RNF112: variants seen among roughly 807,000 people sequenced by gnomAD.
RNF112 encodes brain finger protein.
Under a neutral mutation model 64.7 loss-of-function variants are expected in RNF112, and 34 were observed. That is an observed-to-expected ratio of 0.53 (90% CI 0.40 to 0.70). The LOEUF is 0.70. Among genes scored for constraint, RNF112 ranks in the 30% least tolerant of loss-of-function variants. The pLI is 0.00. For synonymous variants in RNF112, 345 were observed against 344.5 expected (o/e 1.00, Z -0.02); for missense variants, 734 against 850.0 (o/e 0.86, Z 1.70).
At position 19,411,340 on chromosome 17, in the gene RNF112, C is replaced by T; in HGVS notation, c.-69C>T. On this transcript the variant is annotated 5_prime_UTR_variant, in exon 1 of 14. Transcript: ENST00000461366. Reference sequence around the variant, plus strand: ...TAGCCTTTCCGGGAGAAAAGGCATCCTTACCTCTGGTTGAAGGTCTCGGGG... The same window carrying T: ...TAGCCTTTCCGGGAGAAAAGGCATCTTTACCTCTGGTTGAAGGTCTCGGGG... 1 of 1,498,944 alleles carries T rather than the reference C, an allele frequency of 6.7e-7. No homozygotes were observed. The highest frequency in any genetic ancestry group is 1.8e-5 in the Admixed American group (1 of 55,292). 92.9% of individuals were successfully genotyped at this position (1,498,944 alleles called of 1,614,324 possible). A position where few individuals can be genotyped will look rare whatever the true frequency, so the allele number is the denominator to read the frequency against.
Position 19,411,285 on chromosome 17 carries a change from C to T in RNF112, c.-124C>T, listed in dbSNP as rs969896740. On this transcript the variant is annotated 5_prime_UTR_variant, in exon 1 of 14. Transcript: ENST00000461366. ...TCAGCTCCTCGGGGATACCATCCCC[C>T]GACCTCACCTTCTACCTACCGCAGC... 25 of 821,182 alleles carry T rather than the reference C, an allele frequency of 3.0e-5. No individual in the cohort carries two copies. The highest frequency in any genetic ancestry group is 2.4e-4 in the East Asian group (9 of 37,488). 50.9% of individuals were successfully genotyped at this position (821,182 alleles called of 1,614,324 possible).
At chr17:19,411,520 G>A (rs1440243106) in intron 1 of RNF112, 58 bp downstream of exon 1, 1 of 1,513,492 alleles carries the variant, frequency 6.6e-7, no homozygotes, top group Non-Finnish European at 9.0e-7. Flanking sequence ...CCCTCCTTGG[G>A]CTGGGGGATG....
rs769422440 is a variant in RNF112 at position 19,415,700 on chromosome 17, C to A, written c.1426-5C>A. On this transcript the variant is annotated splice_polypyrimidine_tract_variant and splice_region_variant and intron_variant, in intron 13 of 13. Coordinates refer to ENST00000461366, the MANE Select transcript of RNF112 (RefSeq NM_007148.5). The surrounding 1 kb of genome is among the most constrained non-coding windows in gnomAD (Gnocchi z 7.8). ...GGGCACCTTCTTTTCCCCTCCCTGT[C>A]ACAGGACGTAGCCACCAAGCGCATA... 3 of 1,604,572 alleles carry A rather than the reference C, an allele frequency of 1.9e-6. No individual in the cohort carries two copies. Among genetic ancestry groups the A allele is most frequent in the Non-Finnish European group, 2.6e-6 (3 of 1,174,760 alleles).
In RNF112 at chr17:19,416,258, G is replaced by A. The variant is rs2152300709; in HGVS notation, c.*83G>A. The A allele has an allele frequency of 5.5e-6, 7 of 1,275,884 alleles. No homozygotes were observed. The highest frequency in any genetic ancestry group is 7.5e-6 in the Non-Finnish European group (7 of 930,050). 79.0% of individuals were successfully genotyped at this position (1,275,884 alleles called of 1,614,324 possible). On this transcript the variant is annotated 3_prime_UTR_variant, in exon 14 of 14. Coordinates refer to ENST00000461366, the MANE Select transcript of RNF112 (RefSeq NM_007148.5). ...GCAGGTCGGGGGAGGGTGATGCCAGGGATTCCAAGGCACCGCCATGTACTG... is the reference window on the plus strand; with the variant it reads ...GCAGGTCGGGGGAGGGTGATGCCAGAGATTCCAAGGCACCGCCATGTACTG...
chr17:19,412,561 G>T lies in RNF112; in HGVS notation c.159G>T (p.Glu53Asp). 1 of 1,613,474 alleles carries T rather than the reference G, an allele frequency of 6.2e-7. No homozygotes were observed. The highest frequency in any genetic ancestry group is 8.5e-7 in the Non-Finnish European group (1 of 1,179,770). ...GLGPQPMAPRELPTCSICLER... is the reference protein window; with the variant it reads ...GLGPQPMAPRDLPTCSICLER... ...GGCCCCAGCCCATGGCGCCCCGGGA[G>T]CTCCCTACCTGCTCCATCTGCCTGG... Residue 53 changes from glutamate to aspartate, a missense_variant, in exon 3 of 14, where the codon GAG (glutamate) becomes GAT (aspartate). Glu to Asp is a conservative substitution (Grantham distance 45). Transcript: ENST00000461366. The surrounding 1 kb of genome is among the most constrained non-coding windows in gnomAD (Gnocchi z 5.1).
chr17:19,413,056 C>A lies in RNF112; in HGVS notation c.500C>A (p.Thr167Asn), dbSNP rs1298513864. Reference protein sequence around the residue: ...RCLKHPLARDTPVCLLAVLGE... With the variant: ...RCLKHPLARDNPVCLLAVLGE... The stretch of plus-strand genomic sequence containing the variant: ...CTGAAGCACCCTCTGGCCAGGGACA[C>A]CCCAGTCTGCCTCCTCGCTGTCCTG... The change falls in exon 4 of 14, where the codon ACC (threonine) becomes AAC (asparagine). Residue 167 changes from threonine to asparagine, a missense_variant. Transcript: ENST00000461366. The surrounding 1 kb of genome is among the most constrained non-coding windows in gnomAD (Gnocchi z 5.9). 4 of 1,613,188 alleles carry A rather than the reference C, an allele frequency of 2.5e-6. No individual in the cohort carries two copies. Among genetic ancestry groups the A allele is most frequent in the Non-Finnish European group, 3.4e-6 (4 of 1,179,760 alleles).
chr17:19,416,475 C>G lies in RNF112; in HGVS notation c.*300C>G. On this transcript the variant is annotated 3_prime_UTR_variant, in exon 14 of 14. Transcript: ENST00000461366. The stretch of plus-strand genomic sequence containing the variant: ...AGGGTTTCTGGCTGCAAGTGAGACT[C>G]CACCCTCCCCACCTGGCTCATTTCC... 1 of 319,544 alleles carries G rather than the reference C, an allele frequency of 3.1e-6. No homozygotes were observed. 19.8% of individuals were successfully genotyped at this position (319,544 alleles called of 1,614,324 possible).
Position 19,415,268 on chromosome 17 carries a change from G to T in RNF112, c.1297-18G>T, listed in dbSNP as rs1179000010. 6.2e-7 allele frequency: 1 copy of T among 1,600,884 alleles called. No homozygotes were observed. Among genetic ancestry groups the T allele is most frequent in the Non-Finnish European group, 8.5e-7 (1 of 1,176,364 alleles). ...TGGGCCCCTGCTCTCCCTGACCCCAGCGATGGTATCTCCGCAGAACCTCTC... is the reference window on the plus strand; with the variant it reads ...TGGGCCCCTGCTCTCCCTGACCCCATCGATGGTATCTCCGCAGAACCTCTC... On this transcript the variant is annotated intron_variant, in intron 11 of 13. Coordinates refer to ENST00000461366, the MANE Select transcript of RNF112 (RefSeq NM_007148.5). The surrounding 1 kb of genome is among the most constrained non-coding windows in gnomAD (Gnocchi z 7.8).
chr17:19,414,078 GT>G lies in RNF112; in HGVS notation c.826-15del. Reference sequence around the variant, plus strand: ...GCCTCTGTAATCTCTCATACATGTTGTTCTCTCTGATTCCAGATCCTCAGCA... The same window carrying G: ...GCCTCTGTAATCTCTCATACATGTTGTCTCTCTGATTCCAGATCCTCAGCA... On this transcript the variant is annotated splice_polypyrimidine_tract_variant and intron_variant, in intron 6 of 13. Transcript: ENST00000461366. 6.3e-7 allele frequency: 1 copy of G among 1,598,772 alleles called. No homozygotes were observed. The highest frequency in any genetic ancestry group is 8.6e-7 in the Non-Finnish European group (1 of 1,167,220).
At position 19,412,903 on chromosome 17, in the gene RNF112, G is replaced by C. The variant is rs370400874; in HGVS notation, c.382-35G>C. On this transcript the variant is annotated intron_variant, in intron 3 of 13. Transcript: ENST00000461366. The surrounding 1 kb of genome is among the most constrained non-coding windows in gnomAD (Gnocchi z 5.1). ...CATTCCAGGGTCAGGAGCTGGTCCT[G>C]GATGCTCAGGGGCCCCTCTCTTCTC... 86 of 1,563,658 alleles carry C rather than the reference G, an allele frequency of 5.5e-5. No homozygotes were observed. Among genetic ancestry groups the C allele is most frequent in the Non-Finnish European group, 6.7e-5 (78 of 1,155,628 alleles).
chr17:19,415,466 G>T lies in RNF112; in HGVS notation c.1351-52G>T. ...GAGTGGAGATGAGGAAACAAGCAGC[G>T]CCCCTGGCTGAGAAGGAAGGAAGGA... On this transcript the variant is annotated intron_variant, in intron 12 of 13. Transcript: ENST00000461366. The surrounding 1 kb of genome is among the most constrained non-coding windows in gnomAD (Gnocchi z 7.8). The T allele has an allele frequency of 6.3e-7, 1 of 1,575,976 alleles. No individual in the cohort carries two copies. Among genetic ancestry groups the T allele is most frequent in the South Asian group, 1.2e-5 (1 of 85,900 alleles).
intron 7 of RNF112, 144 bp downstream of exon 7, chr17:19,414,289 G>A: frequency 3.6e-6 from 4 of 1,123,444 alleles, no homozygotes; most frequent in Non-Finnish European, 5.3e-6. Context: ...GGAGAGTAAA[G>A]CAAGAGATGT....
At position 19,412,631 on chromosome 17, in the gene RNF112, T is replaced by C. The variant is rs1913701158; in HGVS notation, c.229T>C (p.Cys77Arg). The C allele has an allele frequency of 6.2e-7, 1 of 1,613,530 alleles. No individual in the cohort carries two copies. The highest frequency in any genetic ancestry group is 1.3e-5 in the African/African-American group (1 of 74,986). The change falls in exon 3 of 14, where the codon TGC (cysteine) becomes CGC (arginine). Residue 77 changes from cysteine (C) to arginine (R), a missense_variant. By Grantham distance (180) the Cys-to-Arg change is radical (BLOSUM62 -3). Transcript: ENST00000461366. The surrounding 1 kb of genome is among the most constrained non-coding windows in gnomAD (Gnocchi z 5.1). ...PISLDCGHDFCIRCFSTHRLP... is the reference protein window; with the variant it reads ...PISLDCGHDFRIRCFSTHRLP... ...CTCGCTGGACTGTGGCCACGACTTC[T>C]GCATACGGTGCTTCAGCACACACCG...
Position 19,412,096 on chromosome 17 carries a change from C to T in RNF112, c.96-402C>T, listed in dbSNP as rs552015432. 8.5e-5 allele frequency among the ~76,000 whole-genome samples: 13 copies of T among 152,330 alleles called. No homozygotes were observed. The highest frequency in any genetic ancestry group is 2.1e-4 in the South Asian group (1 of 4,832). On this transcript the variant is annotated intron_variant, in intron 2 of 13. Coordinates refer to ENST00000461366, the MANE Select transcript of RNF112 (RefSeq NM_007148.5). This position sits in a 1 kb window ranked among gnomAD's most constrained non-coding sequence, Gnocchi z 5.1. Reference sequence around the variant, plus strand: ...GCAGACAGCTGCACACGCCTCCTCTCGGATGGCCACCCCAACGGCCCCATG... The same window carrying T: ...GCAGACAGCTGCACACGCCTCCTCTTGGATGGCCACCCCAACGGCCCCATG...
chr17:19,411,712 G>T lies in RNF112; in HGVS notation c.95+42G>T, dbSNP rs745954638. 16 of 1,556,840 alleles carry T rather than the reference G, an allele frequency of 1.0e-5. No homozygotes were observed. The East Asian group carries it at 3.1e-4, about 30-fold the overall frequency. ...TCCAGGCTGGGATGGGTGCAGTGAGGCCAGGCAGGTCAGTTGAAATGGCCG... is the reference window on the plus strand; with the variant it reads ...TCCAGGCTGGGATGGGTGCAGTGAGTCCAGGCAGGTCAGTTGAAATGGCCG... On this transcript the variant is annotated intron_variant, in intron 2 of 13. Transcript: ENST00000461366.
chr17:19,416,170 G>C lies in RNF112; in HGVS notation c.1891G>C (p.Glu631Gln). Residue 631 changes from glutamate (E) to glutamine (Q), a missense_variant, in exon 14 of 14, where the codon GAG becomes CAG. Transcript: ENST00000461366. ...GGACCGAGAGCCCCTTCTCCAGGAA[G>C]AGTAACAGCCCCAGGAGGTATTGAA... Reference protein sequence around the residue: ...EGDREPLLQEE With the variant: ...EGDREPLLQEQ 1.3e-6 allele frequency: 2 copies of C among 1,554,858 alleles called. No individual in the cohort carries two copies. Among genetic ancestry groups the C allele is most frequent in the Non-Finnish European group, 1.7e-6 (2 of 1,149,722 alleles).
Position 19,415,096 on chromosome 17 carries a change from G to C in RNF112, c.1185G>C (p.Ala395=), listed in dbSNP as rs374890395. The change falls in exon 11 of 14, where the codon GCG becomes GCC. Residue 395 remains alanine (A), a synonymous_variant. Transcript: ENST00000461366. The surrounding 1 kb of genome is among the most constrained non-coding windows in gnomAD (Gnocchi z 7.8). ...CCTACGTCTCAGATGTGCTGAGTGC[G>C]GCCCCCCAGCACGCTAAGAGCCGCT... ...LGAYVSDVLS[A]APQHAKSRCQ... The C allele has an allele frequency of 1.9e-6, 3 of 1,605,616 alleles. No individual in the cohort carries two copies. The South Asian group carries it at 3.3e-5, about 18-fold the overall frequency.
chr17:19,414,919 C>A, intron 10 of RNF112, 32 bp downstream of exon 10: 1 of 1,602,476 alleles, frequency 6.2e-7, no homozygotes, highest in South Asian at 1.1e-5. Flanking sequence ...ACCTCTCTTG[C>A]GCTGCTCCCA....
chr17:19,413,137 C>A lies in RNF112; in HGVS notation c.581C>A (p.Pro194Gln). ...FLLNHLLQGL[P>Q]GLESGEGGRP... ...CTCAACCATTTGCTTCAGGGCTTGCCGGGCCTGGTGAGGGCGGGGCGGGGC... is the reference window on the plus strand; with the variant it reads ...CTCAACCATTTGCTTCAGGGCTTGCAGGGCCTGGTGAGGGCGGGGCGGGGC... Residue 194 changes from proline (P) to glutamine (Q), a missense_variant, in exon 4 of 14, where the codon CCG becomes CAG. By Grantham distance (76) the Pro-to-Gln change is moderately conservative. Coordinates refer to ENST00000461366, the MANE Select transcript of RNF112 (RefSeq NM_007148.5). This position sits in a 1 kb window ranked among gnomAD's most constrained non-coding sequence, Gnocchi z 5.9. 1 of 1,605,496 alleles carries A rather than the reference C, an allele frequency of 6.2e-7. No individual in the cohort carries two copies. The highest frequency in any genetic ancestry group is 8.5e-7 in the Non-Finnish European group (1 of 1,176,194).
Sources: gnomAD v4.1 joint callset for allele counts (sites outside exome capture counted in the v4.1 genomes callset) on GRCh38, gnomAD v4.1.1 for gene constraint, Gnocchi (gnomAD v3.1) non-coding constraint, MANE v1.5 for transcripts, NCBI Gene and HGNC (gene_info 2026-07-23, HGNC 2026-07-21) for gene names.